CLSTN2: variants seen among roughly 807,000 people sequenced by gnomAD.
The protein encoded by CLSTN2 is calsyntenin 2, also known as calsyntenin-2.
A neutral mutation model predicts 101.2 loss-of-function variants in CLSTN2; 48 were observed. That is an observed-to-expected ratio of 0.47 (90% CI 0.38 to 0.60). The LOEUF (loss-of-function observed/expected upper bound fraction) is 0.60. Among genes scored for constraint, CLSTN2 ranks in the 20% least tolerant of loss-of-function variants. The pLI is 0.00. For missense variants in CLSTN2, 1,160 were observed against 1,238.2 expected, an observed-to-expected ratio of 0.94 and a Z score of 0.95; for synonymous variants, 481 against 463.6, an observed-to-expected ratio of 1.04 and a Z score of -0.48.
chr3:139,999,492 T>G (rs779959789), intron 1 of CLSTN2, among the ~76,000 whole-genome samples: 1 of 152,186 alleles, frequency 6.6e-6, no homozygotes, highest in Non-Finnish European at 1.5e-5. Context: ...TTCCTTTACC[T>G]GTGCAGCTCT....
intron 2 of CLSTN2, among the ~76,000 whole-genome samples, chr3:140,363,562 C>A (rs576010041): frequency 6.6e-6 from 1 of 152,268 alleles, no homozygotes; most frequent in South Asian, 2.1e-4. Flanking sequence ...GTCTTGGGTA[C>A]CATGGCAGCT....
At chr3:139,974,784 G>A (rs563676631) in intron 1 of CLSTN2, among the ~76,000 whole-genome samples, 1 of 152,308 alleles carries the variant, frequency 6.6e-6, no homozygotes, top group African/African-American at 2.4e-5. Flanking sequence ...CCCTACTAAA[G>A]AGCCTAATGC....
At chr3:140,038,381 T>G (rs1209674820) in intron 1 of CLSTN2, among the ~76,000 whole-genome samples, 1 of 152,152 alleles carries the variant, frequency 6.6e-6, no homozygotes, top group Non-Finnish European at 1.5e-5. Context: ...TTTTCATACT[T>G]TTAATGGGGT....
At position 139,935,341 on chromosome 3, in the gene CLSTN2, CGGCGGCTGCAGCTCGTT is replaced by C. The variant is rs1311156686; in HGVS notation, c.-24_-8del. 1.8e-5 allele frequency: 20 copies of C among 1,142,042 alleles called. No homozygotes were observed. Among genetic ancestry groups the C allele is most frequent in the African/African-American group, 3.2e-5 (2 of 62,346 alleles). The allele number at this position is 1,142,042 out of a possible 1,614,324, so 70.7% of individuals were successfully genotyped here. On this transcript the variant is annotated 5_prime_UTR_variant, in exon 1 of 17. Coordinates refer to ENST00000458420, the MANE Select transcript of CLSTN2 (RefSeq NM_022131.3). This position sits in a 1 kb window ranked among gnomAD's most constrained non-coding sequence, Gnocchi z 5.5. ...GGCGAGAGCCGGCGCGGACAGTAGG[CGGCGGCTGCAGCTCGTT>C]GGCGGCTGCTGCGAGGATGCTGCCT...
intron 1 of CLSTN2, among the ~76,000 whole-genome samples, chr3:139,952,399 A>C (rs1935309654): frequency 6.6e-6 from 1 of 152,190 alleles, no homozygotes. Context: ...GAGTGTCCTC[A>C]TGCCCACTCT....
At chr3:140,485,384 G>T (rs570602072) in intron 8 of CLSTN2, among the ~76,000 whole-genome samples, 2 of 152,356 alleles carry the variant, frequency 1.3e-5, no homozygotes, top group East Asian at 3.9e-4. Flanking sequence ...GTGCCTCCCA[G>T]ATAGGCTACT....
chr3:140,003,488 C>T (rs1299590173), intron 1 of CLSTN2, among the ~76,000 whole-genome samples: 2 of 152,068 alleles, frequency 1.3e-5, no homozygotes, highest in African/African-American at 4.8e-5. Flanking sequence ...AAGATAATTT[C>T]ACTTCTTCCT....
intron 2 of CLSTN2, among the ~76,000 whole-genome samples, chr3:140,310,579 C>T (rs146727485): frequency 0.01 from 1,597 of 152,282 alleles, 38 homozygotes; most frequent in African/African-American, 0.037. Context: ...TCGCCTCAGT[C>T]AGGGTGCTTA....
At chr3:140,016,894 G>C (rs894501561) in intron 1 of CLSTN2, among the ~76,000 whole-genome samples, 4 of 151,666 alleles carry the variant, frequency 2.6e-5, no homozygotes, top group African/African-American at 7.3e-5. Context: ...TATGTTATCT[G>C]TAAGCTTCCA....
At chr3:140,075,779 G>C (rs1214648668) in intron 1 of CLSTN2, among the ~76,000 whole-genome samples, 1 of 152,056 alleles carries the variant, frequency 6.6e-6, no homozygotes, top group Admixed American at 6.6e-5. Flanking sequence ...TTCTCCGCAT[G>C]GCACAGTCAC....
chr3:140,342,670 C>T lies in CLSTN2; in HGVS notation c.233-60959C>T, dbSNP rs896550032. ...ACACAGCAGGGATGATTTGCCTCTGCTCCTGATGTCTGGGGTCCTCACTAG... is the reference window on the plus strand; with the variant it reads ...ACACAGCAGGGATGATTTGCCTCTGTTCCTGATGTCTGGGGTCCTCACTAG... On this transcript the variant is annotated intron_variant, in intron 2 of 16. Transcript: ENST00000458420. Among the ~76,000 whole-genome samples the T allele has an allele frequency of 2.6e-5, 4 of 152,146 alleles. No individual in the cohort carries two copies. The East Asian group carries it at 7.7e-4, about 29-fold the overall frequency.
At chr3:140,151,618 C>T (rs1054547829) in intron 1 of CLSTN2, among the ~76,000 whole-genome samples, 8 of 151,984 alleles carry the variant, frequency 5.3e-5, no homozygotes, top group Non-Finnish European at 7.4e-5. Flanking sequence ...TTGGAGGGTA[C>T]GACATGGGAA....
intron 1 of CLSTN2, among the ~76,000 whole-genome samples, chr3:139,951,533 T>G (rs753483659): frequency 6.6e-6 from 1 of 152,196 alleles, no homozygotes; most frequent in Non-Finnish European, 1.5e-5. Flanking sequence ...TCTTGTGGTC[T>G]TTCCCATTGC....
At chr3:140,299,044 CTGGGCT>C (rs2087029675) in intron 2 of CLSTN2, among the ~76,000 whole-genome samples, 1 of 152,182 alleles carries the variant, frequency 6.6e-6, no homozygotes, top group South Asian at 2.1e-4. Context: ...TCACTGTCAC[CTGGGCT>C]CTCCAGTGCT....
At chr3:140,069,685 C>A (rs772754990) in intron 1 of CLSTN2, among the ~76,000 whole-genome samples, 8 of 152,114 alleles carry the variant, frequency 5.3e-5, no homozygotes, top group African/African-American at 1.7e-4. Flanking sequence ...TCCCTTATAG[C>A]GCATGTTGGC....
At chr3:140,340,523 G>A (rs2087482306) in intron 2 of CLSTN2, among the ~76,000 whole-genome samples, 1 of 152,114 alleles carries the variant, frequency 6.6e-6, no homozygotes, top group Non-Finnish European at 1.5e-5. Context: ...CTTTCCTTTT[G>A]TTGTTTAATA....
rs747956181 is a variant in CLSTN2, at chr3:140,403,653, A to G, written c.257A>G (p.His86Arg). The G allele has an allele frequency of 3.7e-6, 6 of 1,612,976 alleles. No individual in the cohort carries two copies. Among genetic ancestry groups the G allele is most frequent in the South Asian group, 3.3e-5 (3 of 90,858 alleles). Residue 86 changes from histidine to arginine, a missense_variant, in exon 3 of 17, where the codon CAT becomes CGT. His to Arg is a conservative substitution (Grantham distance 29, BLOSUM62 0). Transcript: ENST00000458420. ...FAGEICAFKI[H>R]GQELPFEAVV... ...GGGGAAATCTGTGCGTTCAAGATCC[A>G]TGGCCAGGAGCTGCCCTTTGAGGCT...
At chr3:140,409,780 AAC>A (rs2088342549) in intron 4 of CLSTN2, among the ~76,000 whole-genome samples, 1 of 152,186 alleles carries the variant, frequency 6.6e-6, no homozygotes, top group South Asian at 2.1e-4. Context: ...TCTACAAGAG[AAC>A]ACAGATAAAC....
rs546696189 is a variant in CLSTN2 at position 140,385,357 on chromosome 3, C to CTT, written c.233-18246_233-18245dup. Among the ~76,000 whole-genome samples, 528 of 72,834 alleles carry CTT rather than the reference C, an allele frequency of 7.2e-3. 61 individuals are homozygous for CTT. Among genetic ancestry groups the CTT allele is most frequent in the Non-Finnish European group, 0.01 (432 of 43,122 alleles). 47.8% of individuals were successfully genotyped at this position (72,834 alleles called of 152,430 possible). On this transcript the variant is annotated intron_variant, in intron 2 of 16. Transcript: ENST00000458420. The stretch of plus-strand genomic sequence containing the variant: ...CATTGCCAGTTGGGTCCCTGATGTT[C>CTT]TTTTTTTTTTTTTTTTTTTTTTTTT...
Sources: allele counts gnomAD v4.1 joint callset (sites outside exome capture counted in the v4.1 genomes callset), GRCh38; gene constraint gnomAD v4.1.1; non-coding constraint Gnocchi (gnomAD v3.1); transcripts MANE v1.5; gene names NCBI Gene and HGNC (gene_info 2026-07-23, HGNC 2026-07-21).